The following IKBKB variants were observed in gnomAD, a reference collection of about 807,000 sequenced individuals.
IKBKB encodes the protein inhibitor of nuclear factor kappa B kinase subunit beta.
In IKBKB, 42 loss-of-function variants were observed where a neutral mutation model predicts 113.6. The ratio of observed to expected loss-of-function variants is 0.37; its 90% CI spans 0.29 to 0.48. The LOEUF is 0.48. IKBKB is among the 20% of genes least tolerant of loss of function. The probability of loss-of-function intolerance (pLI) is 0.99; values close to 1 mark genes in which losing one functional copy is unlikely to be tolerated. For synonymous variants in IKBKB, 296 were observed against 361.3 expected (o/e 0.82, Z 2.05); for missense variants, 673 against 939.7 (o/e 0.72, Z 3.71).
intron 19 of IKBKB, chr8:42,325,230 T>G: frequency 2.0e-6 from 2 of 985,604 alleles, no homozygotes; most frequent in South Asian, 9.4e-5. Flanking sequence ...CCCTTCGGGC[T>G]GGGAGGGGCA....
intron 5 of IKBKB, among the ~76,000 whole-genome samples, chr8:42,294,099 T>G (rs538878603): frequency 6.4e-4 from 98 of 152,240 alleles, no homozygotes; most frequent in African/African-American, 2.2e-3. Flanking sequence ...GCGCTAAAGG[T>G]CAGCACCTGG....
chr8:42,288,583 GGATTT>G, intron 2 of IKBKB, 46 bp from the exon 3 acceptor site: 1 of 1,433,704 alleles, frequency 7.0e-7, no homozygotes, highest in Middle Eastern at 1.9e-4. Context: ...AGACAGGGTG[GGATTT>G]GGCCTGCAGC....
intron 5 of IKBKB, among the ~76,000 whole-genome samples, chr8:42,297,469 G>GC: frequency 6.6e-6 from 1 of 152,212 alleles, no homozygotes; most frequent in South Asian, 2.1e-4. Context: ...TAAACTGTTG[G>GC]CCCCTACTCT....
intron 7 of IKBKB, among the ~76,000 whole-genome samples, chr8:42,307,431 A>T (rs757384304): frequency 7.9e-5 from 12 of 152,202 alleles, no homozygotes; most frequent in Non-Finnish European, 1.2e-4. Flanking sequence ...CTCTTTGGAA[A>T]GCCCACTCCT....
intron 21 of IKBKB, 77 bp downstream of exon 21, chr8:42,329,291 A>C: frequency 6.7e-7 from 1 of 1,489,700 alleles, no homozygotes; most frequent in Non-Finnish European, 8.9e-7. Flanking sequence ...ATGGAAATGC[A>C]ATCTGGCATT....
At chr8:42,279,832 A>G (rs1809983245) in intron 2 of IKBKB, among the ~76,000 whole-genome samples, 2 of 151,946 alleles carry the variant, frequency 1.3e-5, no homozygotes, top group Admixed American at 1.3e-4. Context: ...GAAGGGGAAA[A>G]CACTTCTTTA....
At chr8:42,290,095 GTGGTGGGGA>G in intron 3 of IKBKB, 52 bp from the exon 4 acceptor site, 1 of 1,126,522 alleles carries the variant, frequency 8.9e-7, no homozygotes, top group Non-Finnish European at 1.3e-6. Context: ...CCTGGTGGGG[GTGGTGGGGA>G]TGGGTCTGGG....
intron 19 of IKBKB, among the ~76,000 whole-genome samples, chr8:42,323,206 C>T (rs1255453373): frequency 2.6e-5 from 4 of 152,252 alleles, no homozygotes; most frequent in Non-Finnish European, 5.9e-5. Flanking sequence ...GACGCTTTCT[C>T]CAAGTACGGT....
At chr8:42,287,810 C>T (rs1563309360) in intron 2 of IKBKB, among the ~76,000 whole-genome samples, 1 of 152,094 alleles carries the variant, frequency 6.6e-6, no homozygotes, top group African/African-American at 2.4e-5. Flanking sequence ...CTATATTATG[C>T]CATATTATGC....
At chr8:42,309,928 A>T (rs946310660) in intron 8 of IKBKB, among the ~76,000 whole-genome samples, 1 of 152,158 alleles carries the variant, frequency 6.6e-6, no homozygotes, top group Non-Finnish European at 1.5e-5. Flanking sequence ...ATTGTGCAGG[A>T]TATGTTTATA....
rs200278312 is a variant in IKBKB, at chr8:42,271,351, G to A, written c.-137G>A. On this transcript the variant is annotated 5_prime_UTR_variant, in exon 1 of 22. Transcript: ENST00000520810. ...GAGGAAGTCGCGCCGCGCTGCCCGCGTTAAGATTCCCGCATTTTAATGTTT... is the reference window on the plus strand; with the variant it reads ...GAGGAAGTCGCGCCGCGCTGCCCGCATTAAGATTCCCGCATTTTAATGTTT... 5.8e-6 allele frequency: 8 copies of A among 1,378,366 alleles called. No individual in the cohort carries two copies. Among genetic ancestry groups the A allele is most frequent in the Admixed American group, 2.0e-5 (1 of 50,690 alleles). The allele number at this position is 1,378,366 out of a possible 1,614,324, so 85.4% of individuals were successfully genotyped here.
At chr8:42,282,014 C>CT (rs1810457632) in intron 2 of IKBKB, among the ~76,000 whole-genome samples, 1 of 152,126 alleles carries the variant, frequency 6.6e-6, no homozygotes, top group Non-Finnish European at 1.5e-5. Context: ...CCCCCTCTGC[C>CT]TTTTTTACAC....
In IKBKB at chr8:42,320,782, C is replaced by T. The variant is rs751362681; in HGVS notation, c.1626C>T (p.Thr542=). 1.1e-5 allele frequency: 18 copies of T among 1,610,606 alleles called. No homozygotes were observed. Among genetic ancestry groups the T allele is most frequent in the South Asian group, 9.9e-5 (9 of 90,742 alleles). ...TAGAACGGATGATGGCTCTGCAGAC[C>T]GACATTGTGGACTTACAGAGGAGCC... ...LLVERMMALQ[T]DIVDLQRSPM... is the part of the protein sequence containing the mutation. Residue 542 remains threonine (T), a synonymous_variant, in exon 16 of 22, where the codon ACC becomes ACT. Transcript: ENST00000520810.
intron 2 of IKBKB, among the ~76,000 whole-genome samples, chr8:42,287,064 A>AC (rs537838541): frequency 3.4e-4 from 51 of 151,246 alleles, no homozygotes; most frequent in African/African-American, 8.5e-4. Flanking sequence ...TGTCTTGGAG[A>AC]CCCCCCCATA....
In IKBKB at chr8:42,288,996, G is replaced by A. The variant is rs543409177; in HGVS notation, c.200+268G>A. ...CAGAGAACACCAGGGAAGGGGGAAG[G>A]GCATGCTGCACACTCTGCTGGGATT... On this transcript the variant is annotated intron_variant, in intron 3 of 21. Coordinates refer to ENST00000520810, the MANE Select transcript of IKBKB (RefSeq NM_001556.3). 3.3e-5 allele frequency among the ~76,000 whole-genome samples: 5 copies of A among 152,020 alleles called. No homozygotes were observed. The East Asian group carries it at 5.8e-4, about 18-fold the overall frequency.
chr8:42,325,641 G>A (rs970375522), intron 19 of IKBKB: 19 of 1,051,704 alleles, frequency 1.8e-5, no homozygotes, highest in South Asian at 3.0e-5. Context: ...ATCGCACATC[G>A]CACTTCAGCC....
intron 2 of IKBKB, among the ~76,000 whole-genome samples, chr8:42,278,933 G>A (rs982089231): frequency 6.6e-6 from 1 of 152,170 alleles, no homozygotes; most frequent in East Asian, 1.9e-4. Flanking sequence ...GGTGGAGGTT[G>A]CAGTGAGTCG....
intron 19 of IKBKB, chr8:42,325,241 G>GT (rs1820521569): frequency 1.0e-6 from 1 of 985,582 alleles, no homozygotes; most frequent in Admixed American, 6.2e-5. Context: ...GGGAGGGGCA[G>GT]TGGCTGCAGC....
intron 5 of IKBKB, among the ~76,000 whole-genome samples, chr8:42,303,573 C>T (rs1815875875): frequency 2.0e-5 from 3 of 151,776 alleles, no homozygotes; most frequent in Admixed American, 1.3e-4. Flanking sequence ...GCCATGATCT[C>T]GGCTCACTGC....
Sources: allele counts gnomAD v4.1 joint callset (sites outside exome capture counted in the v4.1 genomes callset), GRCh38; gene constraint gnomAD v4.1.1; transcripts MANE v1.5; gene names NCBI Gene and HGNC (gene_info 2026-07-23, HGNC 2026-07-21).